Variants in TCF4 observed in about 807,000 individuals in gnomAD.
TCF4 encodes SL3-3 enhancer factor 2.
A neutral mutation model predicts 82.1 loss-of-function variants in TCF4; 3 were observed. That is an observed-to-expected ratio of 0.04 (90% confidence interval 0.02 to 0.09). The LOEUF (loss-of-function observed/expected upper bound fraction) is 0.09, where lower values mean the gene tolerates loss of function less well. TCF4 is among the 10% of genes least tolerant of loss of function. The pLI, the probability that TCF4 is intolerant of heterozygous loss-of-function variation, is 1.00. For synonymous variants in TCF4, 276 were observed against 309.6 expected (o/e 0.89, Z 1.14); for missense variants, 518 against 852.7 (o/e 0.61, Z 4.89).
intron 6 of TCF4, among the ~76,000 whole-genome samples, chr18:55,391,557 G>A (rs1248968081): frequency 6.6e-6 from 1 of 152,070 alleles, no homozygotes; most frequent in Non-Finnish European, 1.5e-5. Flanking sequence ...AACACAGAGT[G>A]AGCAGAGTCT....
In TCF4 at chr18:55,362,434, G is replaced by GAAGGAAGGAAGGAAGGAAGGAAGGA. The variant is rs1414185890; in HGVS notation, c.370-11432_370-11431insTCCTTCCTTCCTTCCTTCCTTCCTT. On this transcript the variant is annotated intron_variant, in intron 6 of 19. Coordinates refer to ENST00000354452, the MANE Select transcript of TCF4 (RefSeq NM_001083962.2). Reference sequence around the variant, plus strand: ...GGAAGGAAGGAAGGAAGGAAGGAAGGAAAAAAAAAAAGAAGAAAACATGTA... The same window carrying GAAGGAAGGAAGGAAGGAAGGAAGGA: ...GGAAGGAAGGAAGGAAGGAAGGAAGGAAGGAAGGAAGGAAGGAAGGAAGGAAAAAAAAAAAAGAAGAAAACATGTA... Among the ~76,000 whole-genome samples the GAAGGAAGGAAGGAAGGAAGGAAGGA allele has an allele frequency of 1.2e-4, 14 of 118,104 alleles. 1 individual carries two copies. The highest frequency in any genetic ancestry group is 4.5e-4 in the African/African-American group (13 of 29,050). 77.5% of individuals were successfully genotyped at this position (118,104 alleles called of 152,430 possible).
chr18:55,578,365 T>C (rs1220505825), intron 3 of TCF4, among the ~76,000 whole-genome samples: 1 of 152,102 alleles, frequency 6.6e-6, no homozygotes, highest in Non-Finnish European at 1.5e-5. Context: ...ACATGTGTAT[T>C]TGTGTCCTAT....
intron 5 of TCF4, among the ~76,000 whole-genome samples, chr18:55,434,720 C>A (rs1029755100): frequency 1.3e-5 from 2 of 149,750 alleles, no homozygotes; most frequent in African/African-American, 4.9e-5. Context: ...AGCCACCGTG[C>A]CCGGCCAGGA....
At chr18:55,408,798 G>A (rs753947882) in intron 5 of TCF4, among the ~76,000 whole-genome samples, 4 of 150,928 alleles carry the variant, frequency 2.7e-5, no homozygotes, top group Non-Finnish European at 5.9e-5. Flanking sequence ...ACTATGCTAT[G>A]CTGCTGGTGT....
At chr18:55,622,866 ACTT>A (rs2097722822) in intron 2 of TCF4, among the ~76,000 whole-genome samples, 1 of 118,280 alleles carries the variant, frequency 8.5e-6, no homozygotes, top group Admixed American at 1.0e-4. Flanking sequence ...AGATTTAAAA[ACTT>A]CTTTCTCCAC....
At chr18:55,353,367 T>C (rs946893422) in intron 6 of TCF4, among the ~76,000 whole-genome samples, 9 of 152,216 alleles carry the variant, frequency 5.9e-5, no homozygotes, top group African/African-American at 2.2e-4. Context: ...GCAAGGACTA[T>C]GTGCAGTAAC....
At chr18:55,602,921 C>T (rs902204657) in intron 2 of TCF4, among the ~76,000 whole-genome samples, 12 of 152,096 alleles carry the variant, frequency 7.9e-5, no homozygotes, top group African/African-American at 2.2e-4. Flanking sequence ...GCAAAATTTC[C>T]GCCCCTTCCC....
At chr18:55,606,417 A>C (rs1361702707) in intron 2 of TCF4, among the ~76,000 whole-genome samples, 1 of 152,114 alleles carries the variant, frequency 6.6e-6, no homozygotes, top group Non-Finnish European at 1.5e-5. Context: ...TCTGAGCCTA[A>C]TTCACAGCCC....
intron 5 of TCF4, among the ~76,000 whole-genome samples, chr18:55,432,295 T>C (rs2095225516): frequency 6.6e-6 from 1 of 152,072 alleles, no homozygotes; most frequent in Non-Finnish European, 1.5e-5. Context: ...AGAGTGAGAC[T>C]CTGTCTCAAA....
At chr18:55,437,577 G>A (rs921386830) in intron 5 of TCF4, among the ~76,000 whole-genome samples, 1 of 152,158 alleles carries the variant, frequency 6.6e-6, no homozygotes, top group African/African-American at 2.4e-5. Context: ...TAAGTATTGA[G>A]TTCAAGAAAA....
intron 6 of TCF4, chr18:55,401,097 C>T (rs1290847153): frequency 7.8e-7 from 1 of 1,288,880 alleles, no homozygotes; most frequent in Admixed American, 2.3e-5. Context: ...GTTTGCATAG[C>T]TGATGTTGTA....
chr18:55,358,816 C>A (rs2084282653), intron 6 of TCF4, among the ~76,000 whole-genome samples: 1 of 152,168 alleles, frequency 6.6e-6, no homozygotes, highest in South Asian at 2.1e-4. Flanking sequence ...CCTGGATAAT[C>A]CTGGACAATC....
intron 8 of TCF4, among the ~76,000 whole-genome samples, chr18:55,298,164 T>C (rs1018290679): frequency 6.6e-6 from 1 of 152,196 alleles, no homozygotes; most frequent in Non-Finnish European, 1.5e-5. Flanking sequence ...CTGAAGTGTG[T>C]CTCTACAAAT....
At chr18:55,404,264 T>G in intron 5 of TCF4, 1 of 160,866 alleles carries the variant, frequency 6.2e-6, no homozygotes, top group Admixed American at 6.1e-5. Flanking sequence ...CATCTAAGAA[T>G]AAAATCAAGG....
At chr18:55,457,450 C>T (rs781197574) in intron 5 of TCF4, among the ~76,000 whole-genome samples, 4 of 152,176 alleles carry the variant, frequency 2.6e-5, no homozygotes, top group Non-Finnish European at 5.9e-5. Context: ...TTTCCACACA[C>T]ACAAGATTAT....
chr18:55,323,918 G>C (rs188528630), intron 8 of TCF4, among the ~76,000 whole-genome samples: 1 of 152,200 alleles, frequency 6.6e-6, no homozygotes, highest in East Asian at 1.9e-4. Context: ...CTTCATCTAC[G>C]TTAAATACCT....
At chr18:55,400,121 T>C (rs964609586) in intron 6 of TCF4, among the ~76,000 whole-genome samples, 4 of 152,106 alleles carry the variant, frequency 2.6e-5, no homozygotes, top group African/African-American at 9.7e-5. Flanking sequence ...AACATTCTAT[T>C]CAAAGCAGCA....
intron 8 of TCF4, among the ~76,000 whole-genome samples, chr18:55,308,915 A>G (rs757649496): frequency 2.0e-5 from 3 of 152,162 alleles, no homozygotes; most frequent in African/African-American, 2.4e-5. Context: ...CAATGCTTCC[A>G]TTTCCCAGGC....
At chr18:55,582,853 CA>C (rs1391876898) in intron 3 of TCF4, among the ~76,000 whole-genome samples, 1 of 152,116 alleles carries the variant, frequency 6.6e-6, no homozygotes, top group East Asian at 1.9e-4. Context: ...CCACTCAAGA[CA>C]ATGGATATTA....
Sources: allele counts gnomAD v4.1 joint callset (sites outside exome capture counted in the v4.1 genomes callset), GRCh38; gene constraint gnomAD v4.1.1; transcripts MANE v1.5; gene names NCBI Gene and HGNC (gene_info 2026-07-23, HGNC 2026-07-21).